Variants in SYT1 observed in about 807,000 individuals in gnomAD.
SYT1 encodes synaptotagmin 1, also known as synaptotagmin-1.
SYT1 carries 8 observed loss-of-function variants against 44.8 expected under a neutral mutation model. The observed-to-expected ratio is 0.18, with a 90% confidence interval of 0.10 to 0.32. The LOEUF (loss-of-function observed/expected upper bound fraction) is 0.32. SYT1 is among the 10% of genes least tolerant of loss of function. SYT1 has a pLI of 1.00. For missense variants in SYT1, 286 were observed against 509.3 expected (o/e 0.56, Z 4.22); for synonymous variants, 154 against 188.8 (o/e 0.82, Z 1.51).
At chr12:78,901,704 C>A (rs17045897) in intron 1 of SYT1, among the ~76,000 whole-genome samples, 3 of 152,122 alleles carry the variant, frequency 2.0e-5, no homozygotes, top group African/African-American at 7.2e-5. Flanking sequence ...GATCATAGAC[C>A]AATCCAATTC....
chr12:78,997,363 A>T (rs1182748156), intron 2 of SYT1, among the ~76,000 whole-genome samples: 2 of 151,964 alleles, frequency 1.3e-5, no homozygotes, highest in Non-Finnish European at 2.9e-5. Context: ...AAGGTCACCA[A>T]AATATAGGGA....
intron 1 of SYT1, among the ~76,000 whole-genome samples, chr12:78,871,518 C>T (rs1873820063): frequency 6.6e-6 from 1 of 151,888 alleles, no homozygotes; most frequent in African/African-American, 2.4e-5. Context: ...ACGGAAACTG[C>T]CTACCTGCTT....
chr12:79,229,745 C>T lies in SYT1; in HGVS notation c.166+12060C>T, dbSNP rs557971418. On this transcript the variant is annotated intron_variant, in intron 4 of 10. Coordinates refer to ENST00000261205, the MANE Select transcript of SYT1 (RefSeq NM_005639.3). Reference sequence around the variant, plus strand: ...AGTAGCTGGGATTTCAGGCGCTCACCACCATGCCTGGCTAATTTTTTGTAT... The same window carrying T: ...AGTAGCTGGGATTTCAGGCGCTCACTACCATGCCTGGCTAATTTTTTGTAT... 2.6e-5 allele frequency among the ~76,000 whole-genome samples: 4 copies of T among 152,144 alleles called. No individual in the cohort carries two copies. The East Asian group carries it at 5.8e-4, about 22-fold the overall frequency.
intron 3 of SYT1, among the ~76,000 whole-genome samples, chr12:79,190,663 A>G (rs1227542155): frequency 1.3e-5 from 2 of 152,152 alleles, no homozygotes; most frequent in Non-Finnish European, 2.9e-5. Flanking sequence ...ATTTTAGACT[A>G]TATGCCCTTC....
intron 1 of SYT1, among the ~76,000 whole-genome samples, chr12:78,975,471 C>G (rs985527345): frequency 2.6e-5 from 4 of 152,106 alleles, no homozygotes; most frequent in Non-Finnish European, 5.9e-5. Context: ...AAAATGTCTT[C>G]AGTTTACAAC....
intron 3 of SYT1, among the ~76,000 whole-genome samples, chr12:79,089,711 C>T (rs1286711562): frequency 6.6e-6 from 1 of 151,988 alleles, no homozygotes; most frequent in East Asian, 1.9e-4. Flanking sequence ...TTTCAGTATC[C>T]TGCTACTACC....
intron 1 of SYT1, among the ~76,000 whole-genome samples, chr12:78,866,450 A>T (rs1873548587): frequency 6.6e-6 from 1 of 152,232 alleles, no homozygotes; most frequent in Admixed American, 6.5e-5. Flanking sequence ...CGTCTTGTTA[A>T]AAGAAAGAAA....
chr12:78,906,756 T>C (rs974846423), intron 1 of SYT1, among the ~76,000 whole-genome samples: 2 of 152,120 alleles, frequency 1.3e-5, no homozygotes, highest in Non-Finnish European at 2.9e-5. Context: ...AGCAGTGTTC[T>C]GGGCTCTATC....
chr12:78,961,156 G>A (rs1327725338), intron 1 of SYT1, among the ~76,000 whole-genome samples: 1 of 151,840 alleles, frequency 6.6e-6, no homozygotes, highest in Non-Finnish European at 1.5e-5. Flanking sequence ...CATGCAGCCT[G>A]GAGTGCAGTA....
intron 1 of SYT1, among the ~76,000 whole-genome samples, chr12:78,909,214 T>C (rs1876166144): frequency 6.6e-6 from 1 of 150,916 alleles, no homozygotes; most frequent in African/African-American, 2.5e-5. Context: ...GGTTATCTAA[T>C]ATAAGTGTAT....
At chr12:79,325,343 A>T (rs1881562841) in intron 8 of SYT1, among the ~76,000 whole-genome samples, 1 of 152,132 alleles carries the variant, frequency 6.6e-6, no homozygotes, top group Admixed American at 6.5e-5. Context: ...GGTAGGAAAA[A>T]GCTATGTTAT....
chr12:79,220,299 TTC>T (rs1875080240), intron 4 of SYT1, among the ~76,000 whole-genome samples: 1 of 152,036 alleles, frequency 6.6e-6, no homozygotes, highest in South Asian at 2.1e-4. Context: ...TATTTGAGTC[TTC>T]TCTCTTTTTT....
chr12:78,919,496 C>T (rs1876861397), intron 1 of SYT1, among the ~76,000 whole-genome samples: 1 of 152,028 alleles, frequency 6.6e-6, no homozygotes, highest in Non-Finnish European at 1.5e-5. Context: ...CATGAATAAT[C>T]GTTAGTTCCC....
At chr12:79,061,050 G>A (rs1875345071) in intron 3 of SYT1, among the ~76,000 whole-genome samples, 1 of 151,976 alleles carries the variant, frequency 6.6e-6, no homozygotes, top group Admixed American at 6.6e-5. Flanking sequence ...TTTAAAAATT[G>A]CCATTTCTCT....
At chr12:79,270,189 A>G (rs1878347473) in intron 4 of SYT1, among the ~76,000 whole-genome samples, 1 of 152,234 alleles carries the variant, frequency 6.6e-6, no homozygotes, top group Non-Finnish European at 1.5e-5. Context: ...CAGAATAATT[A>G]TTTCCATATT....
intron 8 of SYT1, among the ~76,000 whole-genome samples, chr12:79,343,787 T>C (rs1882482027): frequency 6.6e-6 from 1 of 152,208 alleles, no homozygotes; most frequent in African/African-American, 2.4e-5. Flanking sequence ...TTTGAAAATA[T>C]GGGATAAAAG....
intron 8 of SYT1, among the ~76,000 whole-genome samples, chr12:79,305,128 G>C: frequency 6.6e-6 from 1 of 152,164 alleles, no homozygotes; most frequent in East Asian, 1.9e-4. Flanking sequence ...ATGTAGGACT[G>C]TAATTTGCTT....
chr12:79,241,438 T>C (rs2138653715), intron 4 of SYT1, among the ~76,000 whole-genome samples: 1 of 151,978 alleles, frequency 6.6e-6, no homozygotes, highest in East Asian at 1.9e-4. Context: ...GCCCGGCTAA[T>C]TTTTTGTATT....
At chr12:78,891,948 T>C (rs927611489) in intron 1 of SYT1, among the ~76,000 whole-genome samples, 1 of 151,870 alleles carries the variant, frequency 6.6e-6, no homozygotes, top group African/African-American at 2.4e-5. Flanking sequence ...CTATGTGCAA[T>C]CAATAGAAGA....
Sources: gnomAD v4.1 joint callset for allele counts (sites outside exome capture counted in the v4.1 genomes callset) on GRCh38, gnomAD v4.1.1 for gene constraint, MANE v1.5 for transcripts, NCBI Gene and HGNC (gene_info 2026-07-23, HGNC 2026-07-21) for gene names.